Variants in KAZN observed in about 807,000 individuals in gnomAD.
KAZN encodes kazrin, periplakin interacting protein, also known as kazrin.
Under a neutral mutation model 87.4 loss-of-function variants are expected in KAZN, and 40 were observed. That is an observed-to-expected ratio of 0.46 (90% CI 0.36 to 0.60). KAZN has a LOEUF of 0.60. Ranked by LOEUF, KAZN falls within the 20% of genes least tolerant of loss-of-function variation. KAZN has a pLI of 0.00. For synonymous variants in KAZN, 466 were observed against 458.3 expected, an observed-to-expected ratio of 1.02 and a Z score of -0.22; for missense variants, 898 against 1,073.9, an observed-to-expected ratio of 0.84 and a Z score of 2.29.
At chr1:14,121,797 A>G (rs1027448430) in intron 1 of KAZN, among the ~76,000 whole-genome samples, 1 of 152,204 alleles carries the variant, frequency 6.6e-6, no homozygotes, top group Non-Finnish European at 1.5e-5. Flanking sequence ...CCAGTTTTCA[A>G]TAGGGAGGTG....
At chr1:14,318,588 A>C (rs1655817678) in intron 2 of KAZN, among the ~76,000 whole-genome samples, 1 of 152,070 alleles carries the variant, frequency 6.6e-6, no homozygotes, top group African/African-American at 2.4e-5. Context: ...TGTGATGTAT[A>C]GTATCACCAA....
intron 1 of KAZN, among the ~76,000 whole-genome samples, chr1:14,777,168 T>TG (rs56409209): frequency 0.067 from 10,082 of 150,506 alleles, 402 homozygotes; most frequent in African/African-American, 0.1. Context: ...TTTTTTTTTT[T>TG]TGTATTTTTA....
intron 2 of KAZN, among the ~76,000 whole-genome samples, chr1:14,331,769 C>G (rs1387436077): frequency 6.6e-6 from 1 of 152,158 alleles, no homozygotes; most frequent in Non-Finnish European, 1.5e-5. Context: ...CTTCCCCCTA[C>G]CAGGAATAAA....
At position 14,367,344 on chromosome 1, in the gene KAZN, C is replaced by T. The variant is rs114516540; in HGVS notation, c.249+186752C>T. 9.8e-3 allele frequency among the ~76,000 whole-genome samples: 1,499 copies of T among 152,252 alleles called. 26 individuals carry two copies. The highest frequency in any genetic ancestry group is 0.034 in the African/African-American group (1,404 of 41,536). Reference sequence around the variant, plus strand: ...AGCCAGACTCTTCTCTGAGGTCGCACTGTCAAGCTGTCCCTCTGAAGGCAA... The same window carrying T: ...AGCCAGACTCTTCTCTGAGGTCGCATTGTCAAGCTGTCCCTCTGAAGGCAA... On this transcript the variant is annotated intron_variant, in intron 2 of 16. Transcript: ENST00000636203.
chr1:14,406,861 G>A (rs1663894027), intron 2 of KAZN, among the ~76,000 whole-genome samples: 1 of 152,074 alleles, frequency 6.6e-6, no homozygotes, highest in South Asian at 2.1e-4. Context: ...TGGTTTTCTC[G>A]ATTGTAAAAG....
At chr1:14,116,990 G>A (rs1644637124) in intron 1 of KAZN, among the ~76,000 whole-genome samples, 2 of 152,232 alleles carry the variant, frequency 1.3e-5, no homozygotes, top group African/African-American at 4.8e-5. Context: ...TGTAATGGCT[G>A]TATTTACCCA....
At chr1:15,113,139 G>A (rs1342318183) in intron 14 of KAZN, 1 of 152,600 alleles carries the variant, frequency 6.6e-6, no homozygotes, top group Non-Finnish European at 1.5e-5. Flanking sequence ...TCCATTTGAA[G>A]AAGGCATGAT....
At chr1:14,365,379 G>GA (rs1659909353) in intron 2 of KAZN, among the ~76,000 whole-genome samples, 1 of 139,378 alleles carries the variant, frequency 7.2e-6, no homozygotes, top group East Asian at 2.1e-4. Flanking sequence ...GGGGGGGGGG[G>GA]GGGTCTTTCA....
At chr1:13,986,362 C>T (rs922803891) in intron 1 of KAZN, among the ~76,000 whole-genome samples, 1 of 152,282 alleles carries the variant, frequency 6.6e-6, no homozygotes, top group Middle Eastern at 3.4e-3. Flanking sequence ...ATAATTTTCA[C>T]ATTCCTTAAC....
chr1:14,654,215 C>T (rs1056562773), intron 1 of KAZN, among the ~76,000 whole-genome samples: 3 of 139,176 alleles, frequency 2.2e-5, no homozygotes, highest in African/African-American at 8.4e-5. Flanking sequence ...TGAATCCAGG[C>T]GGTGGAGGTT....
intron 2 of KAZN, among the ~76,000 whole-genome samples, chr1:14,305,826 C>A (rs567314028): frequency 2.0e-5 from 3 of 152,212 alleles, no homozygotes; most frequent in Non-Finnish European, 4.4e-5. Context: ...TTTGCTTCTA[C>A]GATTATGGCT....
chr1:14,416,331 G>A (rs150810411), intron 2 of KAZN, among the ~76,000 whole-genome samples: 233 of 152,232 alleles, frequency 1.5e-3, no homozygotes, highest in African/African-American at 5.0e-3. Context: ...AAAATATTAC[G>A]GAATGTCACT....
intron 1 of KAZN, among the ~76,000 whole-genome samples, chr1:14,076,267 C>T (rs182366173): frequency 1.8e-4 from 28 of 151,464 alleles, no homozygotes; most frequent in Admixed American, 1.3e-4. Context: ...GGTGACAGAG[C>T]GAGACTCCGT....
intron 3 of KAZN, among the ~76,000 whole-genome samples, chr1:15,035,158 C>T (rs1159615725): frequency 6.6e-6 from 1 of 152,156 alleles, no homozygotes; most frequent in East Asian, 1.9e-4. Context: ...GCAGGTCTCG[C>T]TTGACCTCTC....
At chr1:14,614,697 T>C (rs1678083160) in intron 1 of KAZN, among the ~76,000 whole-genome samples, 1 of 152,248 alleles carries the variant, frequency 6.6e-6, no homozygotes, top group African/African-American at 2.4e-5. Context: ...ATGACAAGTT[T>C]GGCAGCCACG....
chr1:14,197,246 G>GAT (rs1243003882), intron 2 of KAZN, among the ~76,000 whole-genome samples: 1 of 152,060 alleles, frequency 6.6e-6, no homozygotes, highest in Admixed American at 6.6e-5. Context: ...CATATCATGT[G>GAT]TTGTTGAGAA....
intron 1 of KAZN, among the ~76,000 whole-genome samples, chr1:14,087,136 T>A (rs980097752): frequency 3.3e-5 from 5 of 152,170 alleles, no homozygotes; most frequent in Non-Finnish European, 7.4e-5. Context: ...ATATGATGTA[T>A]CTCTCCATTT....
At chr1:14,666,818 A>G (rs977778180) in intron 1 of KAZN, among the ~76,000 whole-genome samples, 1 of 152,048 alleles carries the variant, frequency 6.6e-6, no homozygotes, top group Non-Finnish European at 1.5e-5. Context: ...ACTCACTGCA[A>G]CCTCAGCCTC....
chr1:14,100,918 G>C (rs971763712), intron 1 of KAZN, among the ~76,000 whole-genome samples: 2 of 151,548 alleles, frequency 1.3e-5, no homozygotes, highest in African/African-American at 4.9e-5. Context: ...AAAATCTAAT[G>C]GGTTTAAAAA....
Sources: gnomAD v4.1 joint callset for allele counts (sites outside exome capture counted in the v4.1 genomes callset) on GRCh38, gnomAD v4.1.1 for gene constraint, MANE v1.5 for transcripts, NCBI Gene and HGNC (gene_info 2026-07-23, HGNC 2026-07-21) for gene names.